BTAF1: variants seen among roughly 807,000 people sequenced by gnomAD.
BTAF1 encodes TATA-binding protein-associated factor 172.
A neutral mutation model predicts 227.1 loss-of-function variants in BTAF1; 38 were observed. That is an observed-to-expected ratio of 0.17 (90% CI 0.13 to 0.22). The LOEUF (loss-of-function observed/expected upper bound fraction) is 0.22. BTAF1 is among the 10% of genes least tolerant of loss of function. BTAF1 has a pLI of 1.00. For synonymous variants in BTAF1, 742 were observed against 751.9 expected (o/e 0.99, Z 0.21); for missense variants, 1,598 against 2,204.0 (o/e 0.73, Z 5.51).
In BTAF1 at chr10:92,029,879, A is replaced by G. The variant is rs535872864; in HGVS notation, c.*946A>G. 1 of 152,496 alleles carries G rather than the reference A, an allele frequency of 6.6e-6. No individual in the cohort carries two copies. The highest frequency in any genetic ancestry group is 1.5e-5 in the Non-Finnish European group (1 of 67,942). The allele number at this position is 152,496 out of a possible 1,614,324, so 9.4% of individuals were successfully genotyped here. On this transcript the variant is annotated 3_prime_UTR_variant, in exon 38 of 38. Coordinates refer to ENST00000265990, the MANE Select transcript of BTAF1 (RefSeq NM_003972.3). ...CATATCTATATGCATAGATGTACCT[A>G]TCCTGCACCCAAAAAGGTGCCTGGT...
chr10:91,993,964 G>A (rs1848976524), intron 22 of BTAF1, 117 bp downstream of exon 22: 2 of 763,090 alleles, frequency 2.6e-6, no homozygotes, highest in East Asian at 3.3e-5. Context: ...CAGACCAGCT[G>A]GTAAGTTTTA....
chr10:91,928,372 C>CT (rs1844014221), intron 1 of BTAF1, among the ~76,000 whole-genome samples: 1 of 152,124 alleles, frequency 6.6e-6, no homozygotes, highest in African/African-American at 2.4e-5. Flanking sequence ...TTGAAGTTCT[C>CT]TGTCAAATCC....
At position 91,925,800 on chromosome 10, in the gene BTAF1, G is replaced by A. The variant is rs549665954; in HGVS notation, c.14+1710G>A. On this transcript the variant is annotated intron_variant, in intron 1 of 37. Transcript: ENST00000265990. ...GCTGGGATTACAGGCGTGAGCCACC[G>A]CGCCCAGCCAACACTAATCTCTTTA... Among the ~76,000 whole-genome samples the A allele has an allele frequency of 2.1e-4, 32 of 152,164 alleles. 3 individuals are homozygous for A. In the South Asian group the frequency reaches 6.4e-3, roughly 31 times the overall value.
At position 91,994,654 on chromosome 10, in the gene BTAF1, T is replaced by A. The variant is rs748298809; in HGVS notation, c.3309+10T>A. On this transcript the variant is annotated intron_variant, in intron 23 of 37. Transcript: ENST00000265990. ...TGAGCTTCATCCCTTGGTAACTAAC[T>A]AATGCAAGTGTAATATTTCTTCAAA... The A allele has an allele frequency of 5.0e-6, 8 of 1,588,092 alleles. No individual in the cohort carries two copies. The East Asian group carries it at 1.8e-4, about 35-fold the overall frequency.
chr10:91,948,550 A>T lies in BTAF1; in HGVS notation c.401-2853A>T, dbSNP rs1046065167. On this transcript the variant is annotated intron_variant, in intron 4 of 37. Coordinates refer to ENST00000265990, the MANE Select transcript of BTAF1 (RefSeq NM_003972.3). ...TGCCACCACGCCTGGCTAATTTTTT[A>T]TTTTTTTTTCTGTAGAGATGGGGGT... 2.0e-3 allele frequency among the ~76,000 whole-genome samples: 300 copies of T among 147,058 alleles called. 2 individuals are homozygous for T. The highest frequency in any genetic ancestry group is 3.8e-3 in the Non-Finnish European group (251 of 66,524).
chr10:91,948,062 G>A (rs1455848625), intron 4 of BTAF1, among the ~76,000 whole-genome samples: 1 of 151,838 alleles, frequency 6.6e-6, no homozygotes, highest in Non-Finnish European at 1.5e-5. Context: ...ACAACGTGCA[G>A]GTTTGTCACA....
Position 91,959,958 on chromosome 10 carries a change from T to A in BTAF1, c.1087-20T>A, listed in dbSNP as rs760503959. 1 of 1,601,878 alleles carries A rather than the reference T, an allele frequency of 6.2e-7. No homozygotes were observed. Among genetic ancestry groups the A allele is most frequent in the Non-Finnish European group, 8.5e-7 (1 of 1,175,176 alleles). ...ATACGTTTTTTGCAAATATGAGTTT[T>A]CTTCCTTTTTCGTCTGTAGGTTGTG... is the stretch of plus-strand genomic sequence containing the variant. On this transcript the variant is annotated intron_variant, in intron 10 of 37. Coordinates refer to ENST00000265990, the MANE Select transcript of BTAF1 (RefSeq NM_003972.3).
chr10:91,991,997 T>C (rs1045256486), intron 20 of BTAF1, 122 bp from the exon 21 acceptor site: 2 of 662,556 alleles, frequency 3.0e-6, no homozygotes, highest in Non-Finnish European at 4.7e-6. Flanking sequence ...AAAATGTCAT[T>C]GGCCTATAAA....
At chr10:91,971,489 T>A (rs1339620386) in intron 14 of BTAF1, among the ~76,000 whole-genome samples, 1 of 91,280 alleles carries the variant, frequency 1.1e-5, no homozygotes, top group African/African-American at 3.6e-5. Flanking sequence ...TTTTTTTTTT[T>A]GAGATGGAGT....
At chr10:92,003,654 C>T (rs553618090) in intron 25 of BTAF1, among the ~76,000 whole-genome samples, 13 of 152,166 alleles carry the variant, frequency 8.5e-5, no homozygotes, top group South Asian at 8.3e-4. Context: ...ATCACATAGA[C>T]GAACACTTGG....
intron 17 of BTAF1, 59 bp downstream of exon 17, chr10:91,982,284 A>G: frequency 6.2e-7 from 1 of 1,609,116 alleles, no homozygotes. Flanking sequence ...TTCAAAGGTT[A>G]TTTAACCAAC....
rs1564703199 is a variant in BTAF1 at position 91,994,474 on chromosome 10, T to C, written c.3200-61T>C. The stretch of plus-strand genomic sequence containing the variant: ...CTAGCTGAAAAAGTGCTAAAAGTTT[T>C]TGTGTGCTCTAGATTTTGAAAAATT... On this transcript the variant is annotated intron_variant, in intron 22 of 37. Coordinates refer to ENST00000265990, the MANE Select transcript of BTAF1 (RefSeq NM_003972.3). 4 of 1,286,522 alleles carry C rather than the reference T, an allele frequency of 3.1e-6. No individual in the cohort carries two copies. In the South Asian group the frequency reaches 5.2e-5, roughly 17 times the overall value. 79.7% of individuals were successfully genotyped at this position (1,286,522 alleles called of 1,614,324 possible).
intron 14 of BTAF1, 43 bp downstream of exon 14, chr10:91,966,800 T>C: frequency 6.4e-7 from 1 of 1,554,366 alleles, no homozygotes; most frequent in South Asian, 1.2e-5. Context: ...TTATATAAAT[T>C]AATTTTATAA....
intron 1 of BTAF1, among the ~76,000 whole-genome samples, chr10:91,929,104 C>T (rs924509537): frequency 2.6e-5 from 4 of 152,122 alleles, no homozygotes; most frequent in East Asian, 1.9e-4. Flanking sequence ...TGAGCCACTG[C>T]GCCTGGTTTA....
chr10:91,963,035 T>C (rs1846631237), intron 12 of BTAF1, among the ~76,000 whole-genome samples: 2 of 151,950 alleles, frequency 1.3e-5, no homozygotes, highest in South Asian at 4.1e-4. Flanking sequence ...CTGTCTCTCC[T>C]CTCCTCCTCT....
At position 92,019,817 on chromosome 10, in the gene BTAF1, A is replaced by G. The variant is rs144131520; in HGVS notation, c.4863+882A>G. On this transcript the variant is annotated intron_variant, in intron 34 of 37. Coordinates refer to ENST00000265990, the MANE Select transcript of BTAF1 (RefSeq NM_003972.3). ...CCATATCTTCTTTAGAAAAATGTCT[A>G]GTCAAGTTCTTTACCCATTTTGATT... Among the ~76,000 whole-genome samples, 10 of 151,434 alleles carry G rather than the reference A, an allele frequency of 6.6e-5. No individual in the cohort carries two copies. In the East Asian group the frequency reaches 1.5e-3, roughly 23 times the overall value.
chr10:91,953,368 G>C (rs962224455), intron 5 of BTAF1, among the ~76,000 whole-genome samples: 6 of 152,124 alleles, frequency 3.9e-5, no homozygotes, highest in Non-Finnish European at 5.9e-5. Flanking sequence ...TCAGCAGATG[G>C]TGATGATCAG....
Position 91,977,141 on chromosome 10 carries a change from G to T in BTAF1, c.1651-3313G>T, listed in dbSNP as rs1847754348. On this transcript the variant is annotated intron_variant, in intron 14 of 37. Transcript: ENST00000265990. ...TAAATAAGTGACAGGAAGTTGGTTT[G>T]GTGGAGGGCAACATGGAAGGGGGGT... 2.6e-5 allele frequency among the ~76,000 whole-genome samples: 4 copies of T among 152,134 alleles called. No individual in the cohort carries two copies. In the South Asian group the frequency reaches 8.3e-4, roughly 31 times the overall value.
Position 92,009,028 on chromosome 10 carries a change from T to C in BTAF1, c.3936-13T>C, listed in dbSNP as rs1850129856. ...ACAAGCTGGTTAATTTATTGTGTTT[T>C]GCTATTGTAAAGGGCCCAGGAATAT... On this transcript the variant is annotated splice_polypyrimidine_tract_variant and intron_variant, in intron 27 of 37. Transcript: ENST00000265990. 1 of 1,613,272 alleles carries C rather than the reference T, an allele frequency of 6.2e-7. No individual in the cohort carries two copies. The highest frequency in any genetic ancestry group is 1.3e-5 in the African/African-American group (1 of 74,904).
Sources: allele counts gnomAD v4.1 joint callset (sites outside exome capture counted in the v4.1 genomes callset), GRCh38; gene constraint gnomAD v4.1.1; transcripts MANE v1.5; gene names NCBI Gene and HGNC (gene_info 2026-07-23, HGNC 2026-07-21).